SUGCT: variants seen among roughly 807,000 people sequenced by gnomAD.
SUGCT encodes succinyl-CoA:glutarate CoA-transferase.
In SUGCT, 41 loss-of-function variants were observed where a neutral mutation model predicts 55.0. That is an observed-to-expected ratio of 0.74 (90% CI 0.58 to 0.97). SUGCT has a LOEUF of 0.97. Ranked by LOEUF, SUGCT falls within the 50% of genes least tolerant of loss-of-function variation. SUGCT has a pLI of 0.00. For missense variants in SUGCT, 568 were observed against 547.8 expected (o/e 1.04, Z -0.37); for synonymous variants, 187 against 200.4 (o/e 0.93, Z 0.56).
chr7:40,898,450 C>G, the SUGCT span, among the ~76,000 whole-genome samples: 1 of 126,132 alleles, frequency 7.9e-6, no homozygotes, highest in Admixed American at 1.1e-4. Flanking sequence ...CATTGGGGCT[C>G]ACGCCTGTAA....
intron 7 of SUGCT, among the ~76,000 whole-genome samples, chr7:40,241,632 G>A (rs1161372285): frequency 6.7e-6 from 1 of 149,386 alleles, no homozygotes; most frequent in Non-Finnish European, 1.5e-5. Context: ...TATGAAAGAA[G>A]TCTTTATGGC....
intron 7 of SUGCT, among the ~76,000 whole-genome samples, chr7:40,259,825 T>C (rs774684581): frequency 6.6e-6 from 1 of 152,214 alleles, no homozygotes; most frequent in Non-Finnish European, 1.5e-5. Context: ...ATTAGATCTT[T>C]TAATATTTTA....
At chr7:40,181,394 C>T (rs1255333181) in intron 2 of SUGCT, among the ~76,000 whole-genome samples, 1 of 152,076 alleles carries the variant, frequency 6.6e-6, no homozygotes, top group Non-Finnish European at 1.5e-5. Context: ...ATTAGGCTTC[C>T]TTGTACACAA....
chr7:40,405,330 A>T (rs1171591639), intron 9 of SUGCT, among the ~76,000 whole-genome samples: 1 of 152,244 alleles, frequency 6.6e-6, no homozygotes, highest in African/African-American at 2.4e-5. Flanking sequence ...ATAAATATCG[A>T]CCACAGTTTC....
the SUGCT span, among the ~76,000 whole-genome samples, chr7:40,891,287 A>G: frequency 6.6e-6 from 1 of 152,220 alleles, no homozygotes; most frequent in Non-Finnish European, 1.5e-5. Context: ...TGGGAAATAA[A>G]TATCCAGATC....
At chr7:40,700,884 G>A (rs1261254141) in intron 12 of SUGCT, among the ~76,000 whole-genome samples, 1 of 152,150 alleles carries the variant, frequency 6.6e-6, no homozygotes, top group Non-Finnish European at 1.5e-5. Context: ...CACTCACTGA[G>A]GAGAGAAGAG....
chr7:40,944,141 T>C, the SUGCT span, among the ~76,000 whole-genome samples: 2 of 152,242 alleles, frequency 1.3e-5, no homozygotes, highest in African/African-American at 4.8e-5. Context: ...GTTTTTTTCT[T>C]GTAAATTTGT....
At chr7:40,411,510 C>G (rs911207303) in intron 9 of SUGCT, among the ~76,000 whole-genome samples, 1 of 152,084 alleles carries the variant, frequency 6.6e-6, no homozygotes, top group East Asian at 1.9e-4. Context: ...ATGAAATAAG[C>G]CAAATAGAGA....
At chr7:40,245,434 T>TATTTTTTTA (rs776072413) in intron 7 of SUGCT, among the ~76,000 whole-genome samples, 1 of 53,486 alleles carries the variant, frequency 1.9e-5, no homozygotes, top group South Asian at 6.2e-4. Flanking sequence ...TTTTTTTTTT[T>TATTTTTTTA]TTTTTTTTTT....
chr7:40,338,729 A>G (rs1328737817), intron 9 of SUGCT, among the ~76,000 whole-genome samples: 4 of 152,150 alleles, frequency 2.6e-5, no homozygotes, highest in African/African-American at 7.2e-5. Flanking sequence ...TGATCGTCTG[A>G]AGCCTTCTCC....
chr7:40,183,179 A>C (rs565192364), intron 3 of SUGCT, among the ~76,000 whole-genome samples: 2 of 152,288 alleles, frequency 1.3e-5, no homozygotes, highest in East Asian at 3.9e-4. Flanking sequence ...AGGCTGAGGC[A>C]GAAGAATCTC....
At chr7:40,622,172 T>C (rs751989484) in intron 12 of SUGCT, among the ~76,000 whole-genome samples, 30 of 152,352 alleles carry the variant, frequency 2.0e-4, no homozygotes, top group Admixed American at 4.6e-4. Flanking sequence ...AGGTGTCCCA[T>C]GTGCTCATGA....
intron 12 of SUGCT, among the ~76,000 whole-genome samples, chr7:40,583,093 C>A (rs551507042): frequency 3.0e-4 from 46 of 152,094 alleles, no homozygotes; most frequent in Non-Finnish European, 5.6e-4. Context: ...CCTTAAATAA[C>A]AACTAGCTGG....
At chr7:40,352,678 A>G (rs540098334) in intron 9 of SUGCT, among the ~76,000 whole-genome samples, 3 of 152,292 alleles carry the variant, frequency 2.0e-5, no homozygotes, top group African/African-American at 7.2e-5. Flanking sequence ...CCAGTCTACC[A>G]TTGATGGGCA....
intron 9 of SUGCT, among the ~76,000 whole-genome samples, chr7:40,358,434 C>T (rs539098680): frequency 1.3e-5 from 2 of 152,162 alleles, no homozygotes; most frequent in East Asian, 1.9e-4. Flanking sequence ...TTCAGAGGGC[C>T]GGGCGCAGTG....
At position 40,717,961 on chromosome 7, in the gene SUGCT, TTATC is replaced by T. The variant is rs1426487722; in HGVS notation, c.1090-31469_1090-31466del. On this transcript the variant is annotated intron_variant, in intron 12 of 13. Coordinates refer to ENST00000335693, the MANE Select transcript of SUGCT (RefSeq NM_001193313.2). Reference sequence around the variant, plus strand: ...ATTCACATATTTTAGTTTTTAAAAATTATCTATAATAGCACAATAATGAAAAGTT... The same window carrying T: ...ATTCACATATTTTAGTTTTTAAAAATTATAATAGCACAATAATGAAAAGTT... 4.6e-5 allele frequency among the ~76,000 whole-genome samples: 7 copies of T among 152,296 alleles called. No individual in the cohort carries two copies. In the East Asian group the frequency reaches 1.3e-3, roughly 29 times the overall value.
chr7:40,242,823 CT>C (rs1375581224), intron 7 of SUGCT, among the ~76,000 whole-genome samples: 1 of 142,642 alleles, frequency 7.0e-6, no homozygotes, highest in Non-Finnish European at 1.5e-5. Context: ...GATTTGGTCA[CT>C]ACTTTATGCA....
intron 6 of SUGCT, among the ~76,000 whole-genome samples, chr7:40,204,773 A>G (rs553158418): frequency 1.4e-3 from 196 of 144,974 alleles, no homozygotes; most frequent in African/African-American, 4.7e-3. Context: ...AAAAAATTTG[A>G]AAAAAAAAAA....
At chr7:40,826,981 C>CA (rs1792345455) in intron 13 of SUGCT, among the ~76,000 whole-genome samples, 1 of 152,182 alleles carries the variant, frequency 6.6e-6, no homozygotes, top group Non-Finnish European at 1.5e-5. Context: ...TGCTTTCTTT[C>CA]ACCTCCAAAT....
Sources: gnomAD v4.1 joint callset for allele counts (sites outside exome capture counted in the v4.1 genomes callset) on GRCh38, gnomAD v4.1.1 for gene constraint, MANE v1.5 for transcripts, NCBI Gene and HGNC (gene_info 2026-07-23, HGNC 2026-07-21) for gene names.